The following WWOX variants were observed in gnomAD, a reference collection of about 807,000 sequenced individuals.
WWOX encodes WW domain containing oxidoreductase.
Under a neutral mutation model 46.2 loss-of-function variants are expected in WWOX, and 69 were observed. That is an observed-to-expected ratio of 1.49 (90% CI 1.23 to 1.82). The LOEUF is 1.82. Among genes scored for constraint, WWOX ranks in the 40% most tolerant of loss-of-function variants. The pLI, the probability that WWOX is intolerant of heterozygous loss-of-function variation, is 0.00. For synonymous variants in WWOX, 359 were observed against 202.6 expected (o/e 1.77, Z -6.56); for missense variants, 919 against 542.6 (o/e 1.69, Z -6.89).
intron 8 of WWOX, among the ~76,000 whole-genome samples, chr16:78,887,518 C>CAT (rs1199309440): frequency 0.012 from 1,827 of 147,414 alleles, 80 homozygotes; most frequent in African/African-American, 0.041. Context: ...CACACACACA[C>CAT]AAGAAATGAC....
intron 5 of WWOX, among the ~76,000 whole-genome samples, chr16:78,208,812 T>G (rs72806823): frequency 0.056 from 8,536 of 152,348 alleles, 322 homozygotes; most frequent in Non-Finnish European, 0.08. Context: ...AACATACCAA[T>G]TAATGTTCTT....
chr16:78,893,031 A>G (rs546610797), intron 8 of WWOX, among the ~76,000 whole-genome samples: 36 of 152,280 alleles, frequency 2.4e-4, no homozygotes, highest in Admixed American at 2.6e-4. Context: ...GTAGCAGAGC[A>G]GGGGTCCTCA....
At chr16:78,836,861 G>A (rs981584818) in intron 8 of WWOX, among the ~76,000 whole-genome samples, 1 of 152,124 alleles carries the variant, frequency 6.6e-6, no homozygotes, top group Non-Finnish European at 1.5e-5. Flanking sequence ...TCTTAGCATA[G>A]GGGGCCAAGC....
chr16:78,767,626 C>G (rs902099246), intron 8 of WWOX, among the ~76,000 whole-genome samples: 1 of 152,030 alleles, frequency 6.6e-6, no homozygotes, highest in Admixed American at 6.6e-5. Context: ...GTGTGCTTAA[C>G]CTTTTGAGAA....
At chr16:78,931,845 A>C (rs150584733) in intron 8 of WWOX, among the ~76,000 whole-genome samples, 111 of 152,262 alleles carry the variant, frequency 7.3e-4, no homozygotes, top group African/African-American at 2.6e-3. Flanking sequence ...CCCACGCCAC[A>C]TGGGAGGGAT....
chr16:78,976,865 G>C (rs1391268520), intron 8 of WWOX, among the ~76,000 whole-genome samples: 1 of 152,176 alleles, frequency 6.6e-6, no homozygotes, highest in African/African-American at 2.4e-5. Flanking sequence ...AGGTTTGATA[G>C]CATCCAAAGT....
At chr16:78,620,032 G>C (rs2738561) in intron 8 of WWOX, among the ~76,000 whole-genome samples, 110,354 of 152,122 alleles carry the variant, frequency 0.73, 40,282 homozygotes, top group Middle Eastern at 0.78. Context: ...AATCTCTAAC[G>C]TCAGCTTCCT....
chr16:78,269,369 T>C (rs4508428), intron 5 of WWOX, among the ~76,000 whole-genome samples: 37,205 of 152,134 alleles, frequency 0.24, 5,711 homozygotes, highest in African/African-American at 0.42. Flanking sequence ...CAAAAGCTAG[T>C]CTGGTTCCCA....
At chr16:78,586,325 G>A (rs893928901) in intron 8 of WWOX, among the ~76,000 whole-genome samples, 2 of 152,126 alleles carry the variant, frequency 1.3e-5, no homozygotes, top group Admixed American at 1.3e-4. Flanking sequence ...GTGCCAGGAC[G>A]CCATGAAATA....
chr16:78,669,415 A>G (rs545524620), intron 8 of WWOX, among the ~76,000 whole-genome samples: 2 of 152,372 alleles, frequency 1.3e-5, no homozygotes, highest in African/African-American at 4.8e-5. Flanking sequence ...GGATGTTTTT[A>G]CAATGTCTGG....
chr16:78,429,342 T>C (rs1187482873), intron 7 of WWOX, among the ~76,000 whole-genome samples: 1 of 152,216 alleles, frequency 6.6e-6, no homozygotes, highest in Non-Finnish European at 1.5e-5. Context: ...GGATACTTAA[T>C]GTCCATGGAG....
intron 8 of WWOX, among the ~76,000 whole-genome samples, chr16:78,562,067 G>A (rs1311445324): frequency 6.6e-6 from 1 of 152,164 alleles, no homozygotes; most frequent in Non-Finnish European, 1.5e-5. Context: ...CATATGCTGG[G>A]CACTCAACAA....
chr16:78,183,922 A>T (rs8063253), intron 5 of WWOX, among the ~76,000 whole-genome samples: 3,310 of 152,248 alleles, frequency 0.022, 119 homozygotes, highest in African/African-American at 0.076. Flanking sequence ...ATTTGGAGAA[A>T]ATTGAATCAT....
intron 5 of WWOX, among the ~76,000 whole-genome samples, chr16:78,224,606 A>G (rs62034014): frequency 0.036 from 5,447 of 152,156 alleles, 176 homozygotes; most frequent in Admixed American, 0.1. Flanking sequence ...GCTTTTCTCT[A>G]TTGTAAGTGG....
chr16:78,315,855 C>T (rs184566983), intron 5 of WWOX, among the ~76,000 whole-genome samples: 235 of 152,170 alleles, frequency 1.5e-3, no homozygotes, highest in African/African-American at 5.5e-3. Context: ...AGAAAAATCA[C>T]CAAAAATTCC....
chr16:79,006,400 T>G (rs1285344837), intron 8 of WWOX, among the ~76,000 whole-genome samples: 3 of 151,914 alleles, frequency 2.0e-5, no homozygotes, highest in African/African-American at 7.3e-5. Flanking sequence ...GGGAGGGGCA[T>G]GGGGTTAGCC....
chr16:79,120,354 A>G (rs1474235515), intron 8 of WWOX, among the ~76,000 whole-genome samples: 1 of 152,168 alleles, frequency 6.6e-6, no homozygotes, highest in Non-Finnish European at 1.5e-5. Context: ...CTGAACTACC[A>G]TTTCCTCAAA....
chr16:79,001,966 T>A (rs1439456817), intron 8 of WWOX, among the ~76,000 whole-genome samples: 1 of 152,028 alleles, frequency 6.6e-6, no homozygotes, highest in South Asian at 2.1e-4. Context: ...TTTTATTAAA[T>A]AGAAGAAAAT....
At chr16:78,795,913 T>A (rs562355504) in intron 8 of WWOX, among the ~76,000 whole-genome samples, 150 of 152,238 alleles carry the variant, frequency 9.9e-4, no homozygotes, top group African/African-American at 3.5e-3. Context: ...AGTATAAGGT[T>A]TAAGTAAGCG....
Sources: gnomAD v4.1 joint callset for allele counts (sites outside exome capture counted in the v4.1 genomes callset) on GRCh38, gnomAD v4.1.1 for gene constraint, MANE v1.5 for transcripts, NCBI Gene and HGNC (gene_info 2026-07-23, HGNC 2026-07-21) for gene names.